EXD2: variants seen among roughly 807,000 people sequenced by gnomAD.
The protein encoded by EXD2 is exonuclease 3'-5' domain-containing protein 2.
In EXD2, 40 loss-of-function variants were observed where a neutral mutation model predicts 62.5. That is an observed-to-expected ratio of 0.64 (90% CI 0.50 to 0.83). The LOEUF is 0.83. Ranked by LOEUF, EXD2 falls within the 40% of genes least tolerant of loss-of-function variation. The probability of loss-of-function intolerance (pLI) is 0.00; values close to 1 mark genes in which losing one functional copy is unlikely to be tolerated. For synonymous variants in EXD2, 239 were observed against 291.9 expected, an observed-to-expected ratio of 0.82 and a Z score of 1.85; for missense variants, 671 against 761.8, an observed-to-expected ratio of 0.88 and a Z score of 1.40.
Position 69,212,908 on chromosome 14 carries a change from G to A in EXD2, c.333+3105G>A, listed in dbSNP as rs189400092. ...GTATTTTTAGTAGAGACGGGGTTTT[G>A]CGGTGTGGTCCGGGCTGGTTTCAAA... is the stretch of plus-strand genomic sequence containing the variant. On this transcript the variant is annotated intron_variant, in intron 3 of 9. Coordinates refer to ENST00000685843, the MANE Select transcript of EXD2 (RefSeq NM_001193360.2). Among the ~76,000 whole-genome samples the A allele has an allele frequency of 2.0e-5, 3 of 151,062 alleles. No homozygotes were observed. The East Asian group carries it at 5.9e-4, about 30-fold the overall frequency.
At position 69,209,633 on chromosome 14, in the gene EXD2, C is replaced by G. The variant is rs1391922258; in HGVS notation, c.163C>G (p.Pro55Ala). The G allele has an allele frequency of 1.3e-6, 2 of 1,550,420 alleles. No individual in the cohort carries two copies. The highest frequency in any genetic ancestry group is 2.4e-5 in the South Asian group (2 of 84,056). ...AGTGCTGGGCAGTAGAGAGCTGCCC[C>G]CTCCAGAAGATGATCAGCTGCACTC... is the stretch of plus-strand genomic sequence containing the variant. ...QKVLGSRELP[P>A]PEDDQLHSSA... Residue 55 changes from proline to alanine, a missense_variant, in exon 3 of 10, where the codon CCT becomes GCT. Coordinates refer to ENST00000685843, the MANE Select transcript of EXD2 (RefSeq NM_001193360.2).
At chr14:69,219,021 G>A (rs1460360854) in intron 3 of EXD2, among the ~76,000 whole-genome samples, 1 of 152,174 alleles carries the variant, frequency 6.6e-6, no homozygotes, top group Non-Finnish European at 1.5e-5. Flanking sequence ...GAACTTTAAA[G>A]TAGTTTTTTC....
intron 1 of EXD2, among the ~76,000 whole-genome samples, chr14:69,198,147 G>A (rs753041892): frequency 7.9e-5 from 12 of 152,110 alleles, no homozygotes; most frequent in Non-Finnish European, 1.2e-4. Context: ...TAGTATACAG[G>A]TATATTGCTA....
intron 3 of EXD2, among the ~76,000 whole-genome samples, chr14:69,226,817 A>G (rs1181661699): frequency 1.4e-5 from 2 of 146,152 alleles, no homozygotes; most frequent in Non-Finnish European, 3.0e-5. Context: ...TGTGATCTTG[A>G]CTATTTCCTC....
chr14:69,194,529 T>G (rs1251469930), intron 1 of EXD2, among the ~76,000 whole-genome samples: 3 of 152,086 alleles, frequency 2.0e-5, no homozygotes, highest in Admixed American at 2.0e-4. Flanking sequence ...TTTGTAGAGA[T>G]AGAGATGAGT....
rs533849347 is a variant in EXD2 at position 69,236,229 on chromosome 14, AAG to A, written c.1156+80_1156+81del. On this transcript the variant is annotated intron_variant, in intron 7 of 9. Coordinates refer to ENST00000685843, the MANE Select transcript of EXD2 (RefSeq NM_001193360.2). ...GGCAGGAGTGGGGAGTGAGATAAGG[AAG>A]AGGGAGGGATAGAAGAAGGCAGAGA... 1.9e-4 allele frequency: 285 copies of A among 1,509,538 alleles called. No individual in the cohort carries two copies. The African/African-American group carries it at 3.3e-3, about 17-fold the overall frequency. The allele number at this position is 1,509,538 out of a possible 1,614,324, so 93.5% of individuals were successfully genotyped here.
intron 3 of EXD2, among the ~76,000 whole-genome samples, chr14:69,228,430 G>T (rs1422396025): frequency 6.6e-6 from 1 of 152,096 alleles, no homozygotes; most frequent in Non-Finnish European, 1.5e-5. Flanking sequence ...GACCTCAGGT[G>T]ATCCGCCCGC....
rs1029551609 is a variant in EXD2, at chr14:69,236,555, T to C, written c.1292+13T>C. The C allele has an allele frequency of 1.9e-6, 3 of 1,613,984 alleles. No homozygotes were observed. Among genetic ancestry groups the C allele is most frequent in the African/African-American group, 2.7e-5 (2 of 74,924 alleles). Reference sequence around the variant, plus strand: ...ACTCCTACATTCGGTGAGTGCAGCATTGGGCCACCCTGGTTGTCTGTGGCA... The same window carrying C: ...ACTCCTACATTCGGTGAGTGCAGCACTGGGCCACCCTGGTTGTCTGTGGCA... On this transcript the variant is annotated intron_variant, in intron 8 of 9. Coordinates refer to ENST00000685843, the MANE Select transcript of EXD2 (RefSeq NM_001193360.2).
rs767010764 is a variant in EXD2, at chr14:69,230,569, T to C, written c.688T>C (p.Trp230Arg). ...DKSLLLRCSN[W>R]DAETLTEDQV... is the part of the protein sequence containing the mutation. Reference sequence around the variant, plus strand: ...GTCCCTTCTACTTCGTTGCAGCAACTGGGATGCTGAGACTCTCACAGAGGA... The same window carrying C: ...GTCCCTTCTACTTCGTTGCAGCAACCGGGATGCTGAGACTCTCACAGAGGA... Residue 230 changes from tryptophan to arginine, a missense_variant, in exon 5 of 10, where the codon TGG (tryptophan) becomes CGG (arginine). By Grantham distance (101) the Trp-to-Arg change is moderately radical. Transcript: ENST00000685843. 1.5e-5 allele frequency: 24 copies of C among 1,613,362 alleles called. No homozygotes were observed. Among genetic ancestry groups the C allele is most frequent in the Non-Finnish European group, 1.9e-5 (23 of 1,179,596 alleles).
chr14:69,200,840 G>A (rs1269815540), intron 1 of EXD2, among the ~76,000 whole-genome samples: 2 of 152,116 alleles, frequency 1.3e-5, no homozygotes, highest in African/African-American at 4.8e-5. Context: ...TTGGGAGGCC[G>A]AGGTGGGTGG....
At chr14:69,231,646 C>T (rs745857577) in intron 5 of EXD2, among the ~76,000 whole-genome samples, 11 of 152,146 alleles carry the variant, frequency 7.2e-5, no homozygotes, top group African/African-American at 1.2e-4. Context: ...TTCAGACACA[C>T]GTCAGGTCAC....
intron 2 of EXD2, among the ~76,000 whole-genome samples, chr14:69,208,398 G>A (rs1207611484): frequency 6.6e-6 from 1 of 151,544 alleles, no homozygotes; most frequent in Non-Finnish European, 1.5e-5. Flanking sequence ...TTTTAGTAGA[G>A]ACGGGGTTTC....
intron 4 of EXD2, among the ~76,000 whole-genome samples, 200 bp from the exon 5 acceptor site, chr14:69,230,271 TG>T (rs977918294): frequency 1.3e-5 from 2 of 152,236 alleles, no homozygotes; most frequent in Non-Finnish European, 2.9e-5. Context: ...CTCACAGGGT[TG>T]GTGTGAGTAT....
intron 5 of EXD2, among the ~76,000 whole-genome samples, chr14:69,232,068 AAC>A (rs2043603750): frequency 1.3e-5 from 2 of 152,172 alleles, no homozygotes; most frequent in South Asian, 4.1e-4. Flanking sequence ...CAGTGGTTTT[AAC>A]ATTCAATGTG....
intron 3 of EXD2, among the ~76,000 whole-genome samples, chr14:69,220,253 G>GTTTTTTTTTTTTTTTTTTTTTTT (rs869194045): frequency 2.8e-5 from 1 of 35,114 alleles, no homozygotes; most frequent in Non-Finnish European, 4.9e-5. Flanking sequence ...TTGTCTCTCT[G>GTTTTTTTTTTTTTTTTTTTTTTT]TTTTTTTTTT....
Position 69,237,942 on chromosome 14 carries a change from C to T in EXD2, c.1649+11C>T. The T allele has an allele frequency of 6.5e-7, 1 of 1,538,544 alleles. No homozygotes were observed. The highest frequency in any genetic ancestry group is 1.4e-5 in the African/African-American group (1 of 72,340). On this transcript the variant is annotated intron_variant, in intron 9 of 9. Coordinates refer to ENST00000685843, the MANE Select transcript of EXD2 (RefSeq NM_001193360.2). ...CAGCCTGGAGACCAGGTACAAAGCA[C>T]AGGAATTGTGGAATGTACCAGGGAC...
intron 3 of EXD2, among the ~76,000 whole-genome samples, chr14:69,226,537 C>T (rs1362358506): frequency 6.6e-6 from 1 of 152,158 alleles, no homozygotes; most frequent in Non-Finnish European, 1.5e-5. Flanking sequence ...CATTTGAGGT[C>T]AGGAGTTTGA....
chr14:69,205,462 C>T (rs896818643), intron 2 of EXD2, among the ~76,000 whole-genome samples: 3 of 151,862 alleles, frequency 2.0e-5, no homozygotes, highest in Non-Finnish European at 2.9e-5. Flanking sequence ...TTTAACCTGT[C>T]TATTGAGTAT....
intron 3 of EXD2, among the ~76,000 whole-genome samples, chr14:69,213,484 C>T (rs2140248779): frequency 6.7e-6 from 1 of 149,662 alleles, no homozygotes; most frequent in East Asian, 2.0e-4. Context: ...GATCCTCCTG[C>T]CTCAGCCTCC....
Sources: allele counts gnomAD v4.1 joint callset (sites outside exome capture counted in the v4.1 genomes callset), GRCh38; gene constraint gnomAD v4.1.1; transcripts MANE v1.5; gene names NCBI Gene and HGNC (gene_info 2026-07-23, HGNC 2026-07-21).